EPB41L3: variants seen among roughly 807,000 people sequenced by gnomAD.
EPB41L3 encodes erythrocyte membrane protein band 4.1 like 3.
A neutral mutation model predicts 127.1 loss-of-function variants in EPB41L3; 57 were observed. The ratio of observed to expected loss-of-function variants is 0.45; its 90% confidence interval spans 0.36 to 0.56. The LOEUF (loss-of-function observed/expected upper bound fraction) is 0.56, where lower values mean the gene tolerates loss of function less well. Ranked by LOEUF, EPB41L3 falls within the 20% of genes least tolerant of loss-of-function variation. EPB41L3 has a pLI of 0.00. For missense variants in EPB41L3, 1,273 were observed against 1,372.2 expected, an observed-to-expected ratio of 0.93 and a Z score of 1.14; for synonymous variants, 572 against 549.5, an observed-to-expected ratio of 1.04 and a Z score of -0.57.
At chr18:5,489,588 A>G (rs1371845612) in intron 1 of EPB41L3, among the ~76,000 whole-genome samples, 1 of 152,252 alleles carries the variant, frequency 6.6e-6, no homozygotes, top group Non-Finnish European at 1.5e-5. Flanking sequence ...TAATAACGGA[A>G]GCAGACATTC....
chr18:5,503,108 T>C (rs1380480087), intron 1 of EPB41L3, among the ~76,000 whole-genome samples: 1 of 152,240 alleles, frequency 6.6e-6, no homozygotes, highest in Non-Finnish European at 1.5e-5. Context: ...ACCAAGAAAG[T>C]ATTTCTTCTT....
rs2094164139 is a variant in EPB41L3, at chr18:5,563,810, C to T, written c.-306+48530G>A. On this transcript the variant is annotated intron_variant, in intron 3 of 21. Coordinates refer to the EPB41L3 transcript ENST00000545076. ...AAATGATAAATTCTGTTGTGTACAGCTTAAGGCTGAGTTGCTCATGAGGCA... is the reference window on the plus strand; with the variant it reads ...AAATGATAAATTCTGTTGTGTACAGTTTAAGGCTGAGTTGCTCATGAGGCA... Among the ~76,000 whole-genome samples the T allele has an allele frequency of 2.6e-5, 4 of 152,120 alleles. No homozygotes were observed. The South Asian group carries it at 8.3e-4, about 32-fold the overall frequency.
intron 12 of EPB41L3, 47 bp downstream of exon 12, chr18:5,419,664 T>C: frequency 1.2e-6 from 2 of 1,609,266 alleles, no homozygotes; most frequent in South Asian, 1.1e-5. Flanking sequence ...CATTTAGTCA[T>C]TCTTAAAAGC....
At chr18:5,624,426 C>T (rs1244099458) in intron 1 of EPB41L3, among the ~76,000 whole-genome samples, 1 of 152,240 alleles carries the variant, frequency 6.6e-6, no homozygotes, top group Non-Finnish European at 1.5e-5. Context: ...CTCTGTCTAG[C>T]TCACATGACT....
At chr18:5,590,210 C>T (rs1236596189) in intron 3 of EPB41L3, among the ~76,000 whole-genome samples, 1 of 152,074 alleles carries the variant, frequency 6.6e-6, no homozygotes, top group East Asian at 1.9e-4. Context: ...GGACAGGGAC[C>T]TCTGAGCTGC....
chr18:5,616,654 C>T (rs2144135227), intron 1 of EPB41L3, among the ~76,000 whole-genome samples: 1 of 152,200 alleles, frequency 6.6e-6, no homozygotes, highest in South Asian at 2.1e-4. Flanking sequence ...AATGTGGTTG[C>T]CTCTACTCTG....
intron 1 of EPB41L3, among the ~76,000 whole-genome samples, chr18:5,535,470 GTCACTGAGTAGCACAAAA>G: frequency 6.6e-6 from 1 of 152,266 alleles, no homozygotes; most frequent in South Asian, 2.1e-4. Context: ...AATAAAAGTT[GTCACTGAGTAGCACAAAA>G]TGGTATAAAA....
At chr18:5,555,726 G>C (rs536228158) in intron 3 of EPB41L3, among the ~76,000 whole-genome samples, 2 of 152,238 alleles carry the variant, frequency 1.3e-5, no homozygotes, top group Admixed American at 1.3e-4. Context: ...TTCTAATCCA[G>C]CTTCCCGGGA....
rs536333914 is a variant in EPB41L3 at position 5,451,995 on chromosome 18, C to T, written c.382-6751G>A. ...CTGGGATTACACCTGCCCGCCACCA[C>T]GTCTAGCTAATTTTTGTAATTTTAG... On this transcript the variant is annotated intron_variant, in intron 3 of 22. Coordinates refer to ENST00000341928, the MANE Select transcript of EPB41L3 (RefSeq NM_012307.5). 1.1e-3 allele frequency among the ~76,000 whole-genome samples: 174 copies of T among 152,276 alleles called. 2 individuals are homozygous for T. In the South Asian group the frequency reaches 0.015, roughly 13 times the overall value.
chr18:5,543,040 C>T lies in EPB41L3; in HGVS notation c.-12+873G>A, dbSNP rs1425459544. Reference sequence around the variant, plus strand: ...TTCGCAGACACCTCCCGAGGAGAATCGCGGCCCCGAGGGCGCCAGGTGAGT... The same window carrying T: ...TTCGCAGACACCTCCCGAGGAGAATTGCGGCCCCGAGGGCGCCAGGTGAGT... On this transcript the variant is annotated intron_variant, in intron 1 of 22. Coordinates refer to ENST00000341928, the MANE Select transcript of EPB41L3 (RefSeq NM_012307.5). The surrounding 1 kb of genome is among the most constrained non-coding windows in gnomAD (Gnocchi z 5.2). Among the ~76,000 whole-genome samples the T allele has an allele frequency of 1.3e-5, 2 of 152,182 alleles. No homozygotes were observed. Among genetic ancestry groups the T allele is most frequent in the African/African-American group, 4.8e-5 (2 of 41,560 alleles).
intron 12 of EPB41L3, among the ~76,000 whole-genome samples, chr18:5,418,625 C>A (rs1400782753): frequency 6.6e-6 from 1 of 152,106 alleles, no homozygotes; most frequent in Non-Finnish European, 1.5e-5. Flanking sequence ...AATATCCCTG[C>A]CATTATTTCC....
chr18:5,489,266 C>A, intron 1 of EPB41L3, 72 bp from the exon 2 acceptor site: 3 of 1,515,346 alleles, frequency 2.0e-6, no homozygotes, highest in Non-Finnish European at 2.6e-6. Context: ...AACTAGGATG[C>A]TCACCGTGAA....
chr18:5,473,639 A>G (rs1233547998), intron 3 of EPB41L3, among the ~76,000 whole-genome samples: 1 of 152,082 alleles, frequency 6.6e-6, no homozygotes, highest in Non-Finnish European at 1.5e-5. Flanking sequence ...ATGAAAATAA[A>G]TGAGATGAGT....
intron 13 of EPB41L3, among the ~76,000 whole-genome samples, chr18:5,411,246 CTAGG>C (rs2076158558): frequency 6.6e-6 from 1 of 152,158 alleles, no homozygotes; most frequent in Non-Finnish European, 1.5e-5. Flanking sequence ...GCGTCGCTAA[CTAGG>C]TATTTTTTAA....
In EPB41L3 at chr18:5,489,080, T is replaced by C. The variant is rs1044974996; in HGVS notation, c.104A>G (p.Glu35Gly). ...AQGRAGAPVPEPPKEEQQQAL... is the reference protein window; with the variant it reads ...AQGRAGAPVPGPPKEEQQQAL... ...CTGCTGCTGCTCCTCCTTGGGCGGC[T>C]CCGGCACGGGCGCCCCCGCGCGCCC... The change falls in exon 2 of 23, where the codon GAG becomes GGG. Residue 35 changes from glutamate to glycine, a missense_variant. Physicochemically the swap from Glu to Gly is moderately conservative, Grantham distance 98. Around this residue, in one of 3 missense-constraint regions of EPB41L3, gnomAD observed 182 missense variants for 149.2 expected, o/e 1.22. Transcript: ENST00000341928. 58 of 1,594,032 alleles carry C rather than the reference T, an allele frequency of 3.6e-5. No individual in the cohort carries two copies. Among genetic ancestry groups the C allele is most frequent in the Non-Finnish European group, 4.7e-5 (55 of 1,174,480 alleles).
intron 18 of EPB41L3, 52 bp from the exon 19 acceptor site, chr18:5,396,384 T>C (rs569678650): frequency 1.8e-5 from 29 of 1,608,912 alleles, no homozygotes; most frequent in African/African-American, 2.7e-5. Context: ...CATGAACACA[T>C]TGTTTTCTTC....
intron 1 of EPB41L3, among the ~76,000 whole-genome samples, chr18:5,617,422 C>T (rs1018736700): frequency 2.4e-4 from 37 of 151,878 alleles, no homozygotes; most frequent in Admixed American, 1.9e-3. Context: ...AGGTTCACGC[C>T]ATTCTCCTGC....
chr18:5,440,472 G>A (rs564201458), intron 5 of EPB41L3, among the ~76,000 whole-genome samples: 12 of 152,240 alleles, frequency 7.9e-5, no homozygotes, highest in African/African-American at 2.6e-4. Flanking sequence ...CACTGAGAAG[G>A]AAGTGCTTAC....
chr18:5,532,553 A>C (rs541563770), intron 1 of EPB41L3, among the ~76,000 whole-genome samples: 2 of 152,328 alleles, frequency 1.3e-5, no homozygotes, highest in East Asian at 1.9e-4. Context: ...GACAAATCTT[A>C]ATTTCAAAGA....
Sources: allele counts gnomAD v4.1 joint callset (sites outside exome capture counted in the v4.1 genomes callset), GRCh38; gene constraint gnomAD v4.1.1; regional missense constraint gnomAD v4.1.1; non-coding constraint Gnocchi (gnomAD v3.1); transcripts MANE v1.5; gene names NCBI Gene and HGNC (gene_info 2026-07-23, HGNC 2026-07-21).